CLPB: variants seen among roughly 807,000 people sequenced by gnomAD.
The protein encoded by CLPB is ClpB family mitochondrial disaggregase.
Under a neutral mutation model 78.4 loss-of-function variants are expected in CLPB, and 40 were observed. The ratio of observed to expected loss-of-function variants is 0.51; its 90% CI spans 0.40 to 0.66. The LOEUF is 0.66. CLPB is among the 30% of genes least tolerant of loss of function. CLPB has a pLI of 0.00. For synonymous variants in CLPB, 333 were observed against 348.0 expected (o/e 0.96, Z 0.48); for missense variants, 780 against 886.9 (o/e 0.88, Z 1.53).
intron 9 of CLPB, 184 bp from the exon 10 acceptor site, chr11:72,302,532 C>G: frequency 1.7e-6 from 1 of 601,926 alleles, no homozygotes; most frequent in South Asian, 1.9e-5. Context: ...TCATTTCCTA[C>G]GAGTCCCTCA....
rs1233845198 is a variant in CLPB, at chr11:72,294,136, G to A, written c.1681-10C>T. ...TGTGCCTTTGCTTGGCCTGAGATGG[G>A]TCAGATAGAAGCATGCCTGCATGTG... On this transcript the variant is annotated splice_polypyrimidine_tract_variant and intron_variant, in intron 14 of 15. Coordinates refer to ENST00000538039, the MANE Select transcript of CLPB (RefSeq NM_001258392.3). The A allele has an allele frequency of 6.2e-7, 1 of 1,613,372 alleles. No homozygotes were observed. The highest frequency in any genetic ancestry group is 8.5e-7 in the Non-Finnish European group (1 of 1,179,432).
chr11:72,374,349 C>T (rs1046251571), intron 4 of CLPB, among the ~76,000 whole-genome samples: 2 of 152,160 alleles, frequency 1.3e-5, no homozygotes, highest in Non-Finnish European at 2.9e-5. Flanking sequence ...AAGTCATTTA[C>T]TCAAGATCAC....
intron 4 of CLPB, among the ~76,000 whole-genome samples, chr11:72,370,250 T>C (rs566743019): frequency 6.9e-4 from 105 of 152,354 alleles, no homozygotes; most frequent in African/African-American, 2.5e-3. Context: ...CTTATTTTTA[T>C]AAATGCATCA....
Position 72,352,452 on chromosome 11 carries a change from A to G in CLPB, c.775+6428T>C, listed in dbSNP as rs188348358. 7 of 152,354 alleles carry G rather than the reference A, an allele frequency of 4.6e-5. No individual in the cohort carries two copies. In the East Asian group the frequency reaches 1.4e-3, roughly 29 times the overall value. The allele number at this position is 152,354 out of a possible 1,614,324, so 9.4% of individuals were successfully genotyped here. A position where few individuals can be genotyped will look rare whatever the true frequency, so the allele number is the denominator to read the frequency against. ...CCTCCAGCTCTTCTGAACTACCTGC[A>G]ATATTCTGAGTAAAGTATGCTGCTT... On this transcript the variant is annotated intron_variant, in intron 5 of 15. Coordinates refer to ENST00000538039, the MANE Select transcript of CLPB (RefSeq NM_001258392.3).
intron 6 of CLPB, among the ~76,000 whole-genome samples, chr11:72,317,751 A>G (rs1949974967): frequency 6.6e-6 from 1 of 152,240 alleles, no homozygotes; most frequent in African/African-American, 2.4e-5. Context: ...ATTATTCAGC[A>G]GTTCTTGCAT....
chr11:72,360,910 G>C (rs970083724), intron 4 of CLPB, among the ~76,000 whole-genome samples: 18 of 152,174 alleles, frequency 1.2e-4, no homozygotes. Context: ...TGTCCCCACT[G>C]TTTCTCACAT....
At chr11:72,310,603 T>C (rs1177926230) in intron 7 of CLPB, among the ~76,000 whole-genome samples, 1 of 152,182 alleles carries the variant, frequency 6.6e-6, no homozygotes, top group Non-Finnish European at 1.5e-5. Flanking sequence ...TGGACATGTG[T>C]GTACGTGTTA....
rs1396279467 is a variant in CLPB at position 72,292,121 on chromosome 11, A to T, written c.*1246T>A. 1.3e-5 allele frequency: 2 copies of T among 151,570 alleles called. No homozygotes were observed. Among genetic ancestry groups the T allele is most frequent in the Non-Finnish European group, 2.9e-5 (2 of 68,050 alleles). 9.4% of individuals were successfully genotyped at this position (151,570 alleles called of 1,614,324 possible). On this transcript the variant is annotated 3_prime_UTR_variant, in exon 16 of 16. Coordinates refer to ENST00000538039, the MANE Select transcript of CLPB (RefSeq NM_001258392.3). ...CTGAGGGGTAGACAGTGATCCAAGC[A>T]TCTGCTGGAGCTCACACCCTGGATT...
intron 5 of CLPB, among the ~76,000 whole-genome samples, chr11:72,349,431 G>A (rs963487489): frequency 1.3e-5 from 2 of 152,228 alleles, no homozygotes; most frequent in African/African-American, 2.4e-5. Context: ...GAACATCCCT[G>A]CTGTGTTCTT....
chr11:72,364,569 AG>A (rs1354805049), intron 4 of CLPB, among the ~76,000 whole-genome samples: 1 of 151,986 alleles, frequency 6.6e-6, no homozygotes, highest in Admixed American at 6.6e-5. Flanking sequence ...TATGTTGCCT[AG>A]GCTGGTCTCA....
At chr11:72,397,235 A>G (rs1268131330) in intron 3 of CLPB, among the ~76,000 whole-genome samples, 1 of 152,142 alleles carries the variant, frequency 6.6e-6, no homozygotes, top group Non-Finnish European at 1.5e-5. Context: ...GGCTGTTTTT[A>G]CCGTATGGAT....
At chr11:72,396,467 AGCACCACAACG>A (rs931489216) in intron 3 of CLPB, among the ~76,000 whole-genome samples, 5 of 152,160 alleles carry the variant, frequency 3.3e-5, no homozygotes, top group African/African-American at 1.2e-4. Context: ...TGGTTCCTGA[AGCACCACAACG>A]GCCTCACTAT....
intron 9 of CLPB, among the ~76,000 whole-genome samples, chr11:72,306,016 G>A (rs1169064533): frequency 2.0e-5 from 3 of 152,094 alleles, no homozygotes; most frequent in African/African-American, 4.8e-5. Flanking sequence ...CCTTTCCAGA[G>A]TGCTAATTGT....
At chr11:72,311,065 GA>G (rs1949837412) in intron 7 of CLPB, 1 of 152,200 alleles carries the variant, frequency 6.6e-6, no homozygotes. Flanking sequence ...TGAAACAGGT[GA>G]AATGCCAACC....
intron 2 of CLPB, among the ~76,000 whole-genome samples, chr11:72,427,764 G>A (rs1011249191): frequency 2.0e-5 from 3 of 152,166 alleles, no homozygotes; most frequent in Non-Finnish European, 4.4e-5. Context: ...TTCACACTGT[G>A]ATGAAATTGC....
At chr11:72,426,910 C>G (rs1856396923) in intron 2 of CLPB, among the ~76,000 whole-genome samples, 1 of 152,206 alleles carries the variant, frequency 6.6e-6, no homozygotes, top group African/African-American at 2.4e-5. Context: ...CTGTGACAAG[C>G]TGCCATGGTC....
At chr11:72,358,199 G>T (rs1950757740) in intron 5 of CLPB, among the ~76,000 whole-genome samples, 1 of 152,194 alleles carries the variant, frequency 6.6e-6, no homozygotes, top group African/African-American at 2.4e-5. Context: ...TCTCCAAAGG[G>T]AGGGTATTCA....
intron 2 of CLPB, among the ~76,000 whole-genome samples, chr11:72,425,076 A>C (rs1306124718): frequency 6.6e-6 from 1 of 152,164 alleles, no homozygotes; most frequent in Non-Finnish European, 1.5e-5. Flanking sequence ...ATTCTGTCTC[A>C]AAAACAACAA....
At chr11:72,345,283 T>C (rs1950491774) in intron 5 of CLPB, among the ~76,000 whole-genome samples, 1 of 152,188 alleles carries the variant, frequency 6.6e-6, no homozygotes, top group Non-Finnish European at 1.5e-5. Context: ...AATCTCAAGG[T>C]CCAAGTATAG....
Sources: allele counts gnomAD v4.1 joint callset (sites outside exome capture counted in the v4.1 genomes callset), GRCh38; gene constraint gnomAD v4.1.1; transcripts MANE v1.5; gene names NCBI Gene and HGNC (gene_info 2026-07-23, HGNC 2026-07-21).